The following CHD2 variants were observed in gnomAD, a reference collection of about 807,000 sequenced individuals.
CHD2 encodes the protein chromodomain helicase DNA binding protein 2.
Under a neutral mutation model 243.9 loss-of-function variants are expected in CHD2, and 28 were observed. The ratio of observed to expected loss-of-function variants is 0.11; its 90% CI spans 0.09 to 0.16. The LOEUF is 0.16. Ranked by LOEUF, CHD2 falls within the 10% of genes least tolerant of loss-of-function variation. CHD2 has a pLI of 1.00. For missense variants in CHD2, 1,386 were observed against 2,209.8 expected (o/e 0.63, Z 7.47); for synonymous variants, 775 against 779.0 (o/e 0.99, Z 0.09).
intron 6 of CHD2, among the ~76,000 whole-genome samples, chr15:92,938,934 G>GT (rs761455235): frequency 4.6e-5 from 7 of 152,090 alleles, no homozygotes; most frequent in Non-Finnish European, 8.8e-5. Context: ...AAAAACTTAT[G>GT]TATAGTTACT....
At chr15:92,968,302 G>A (rs982213949) in intron 17 of CHD2, among the ~76,000 whole-genome samples, 18 of 152,148 alleles carry the variant, frequency 1.2e-4, no homozygotes, top group South Asian at 8.3e-4. Context: ...CAGGAGGATC[G>A]CTTGAGCCCA....
chr15:92,984,651 A>G, intron 25 of CHD2, 151 bp downstream of exon 25: 1 of 666,122 alleles, frequency 1.5e-6, no homozygotes, highest in Non-Finnish European at 2.2e-6. Flanking sequence ...AACAAAGGAA[A>G]GTGGAGAAAT....
chr15:92,989,025 C>CTTTTTTTTTT (rs34298248), intron 26 of CHD2, among the ~76,000 whole-genome samples: 1 of 76,512 alleles, frequency 1.3e-5, no homozygotes, highest in African/African-American at 5.1e-5. Flanking sequence ...ATACTTCATA[C>CTTTTTTTTTT]TTTTTTTTTT....
intron 2 of CHD2, among the ~76,000 whole-genome samples, chr15:92,911,039 T>G (rs573817934): frequency 1.3e-5 from 2 of 152,340 alleles, no homozygotes; most frequent in East Asian, 3.9e-4. Flanking sequence ...AAATACAGTA[T>G]TACAGTCTTA....
Position 92,981,300 on chromosome 15 carries a change from C to G in CHD2, c.2974-65C>G, listed in dbSNP as rs77690222. 1.1e-4 allele frequency: 120 copies of G among 1,082,482 alleles called. No homozygotes were observed. In the East Asian group the frequency reaches 2.9e-3, roughly 26 times the overall value. 67.1% of individuals were successfully genotyped at this position (1,082,482 alleles called of 1,614,324 possible). On this transcript the variant is annotated intron_variant, in intron 23 of 38. Transcript: ENST00000394196. ...CATTTTTAGTAAATACGAATAATTTCTGGGCAACTAGGCAACTCATCTGTT... is the reference window on the plus strand; with the variant it reads ...CATTTTTAGTAAATACGAATAATTTGTGGGCAACTAGGCAACTCATCTGTT...
chr15:92,999,463 C>G lies in CHD2; in HGVS notation c.4008+842C>G, dbSNP rs1293402363. On this transcript the variant is annotated intron_variant, in intron 31 of 38. Transcript: ENST00000394196. ...CTGAGCTTTATCTCCTTTTGTTTCC[C>G]CAATTTATAATTTCAGTTCAGGCCC... Among the ~76,000 whole-genome samples the G allele has an allele frequency of 6.6e-5, 10 of 152,282 alleles. No individual in the cohort carries two copies. In the East Asian group the frequency reaches 1.9e-3, roughly 29 times the overall value.
Position 92,997,279 on chromosome 15 carries a change from C to T in CHD2, c.3761C>T (p.Ala1254Val). Residue 1254 changes from alanine (A) to valine (V), a missense_variant, in exon 30 of 39, where the codon GCT becomes GTT. Physicochemically the swap from Ala to Val is moderately conservative, Grantham distance 64. Around this residue, in one of 19 missense-constraint regions of CHD2, gnomAD observed 99 missense variants for 176.9 expected, o/e 0.56. Transcript: ENST00000394196. The surrounding 1 kb of genome is among the most constrained non-coding windows in gnomAD (Gnocchi z 4.1). ...KKYCLTCRVK[A>V]AHFDVEWGVE... ...TACTGCTTAACCTGTCGTGTCAAAG[C>T]TGCACATTTTGATGTAGAGTGGGGG... 1 of 1,614,048 alleles carries T rather than the reference C, an allele frequency of 6.2e-7. No homozygotes were observed. The highest frequency in any genetic ancestry group is 8.5e-7 in the Non-Finnish European group (1 of 1,180,002).
chr15:92,935,226 C>T (rs2053244513), intron 5 of CHD2, among the ~76,000 whole-genome samples: 2 of 151,988 alleles, frequency 1.3e-5, no homozygotes, highest in East Asian at 3.9e-4. Flanking sequence ...TTAGTAGATA[C>T]GGGGTTTCAC....
intron 26 of CHD2, among the ~76,000 whole-genome samples, chr15:92,988,163 A>G (rs1055896970): frequency 3.3e-5 from 5 of 151,538 alleles, no homozygotes; most frequent in African/African-American, 9.7e-5. Context: ...GCCCACTGCA[A>G]CCTCCACTTC....
Position 92,998,911 on chromosome 15 carries a change from G to A in CHD2, c.4008+290G>A, listed in dbSNP as rs889987642. Among the ~76,000 whole-genome samples, 7 of 151,536 alleles carry A rather than the reference G, an allele frequency of 4.6e-5. No individual in the cohort carries two copies. Among genetic ancestry groups the A allele is most frequent in the Non-Finnish European group, 7.4e-5 (5 of 67,874 alleles). On this transcript the variant is annotated intron_variant, in intron 31 of 38. Transcript: ENST00000394196. The surrounding 1 kb of genome is among the most constrained non-coding windows in gnomAD (Gnocchi z 5.1). Reference sequence around the variant, plus strand: ...ATCCTGGCTAATATGGTGAAACCCCGTCTCTACTAAAAATACAAAAAAATT... The same window carrying A: ...ATCCTGGCTAATATGGTGAAACCCCATCTCTACTAAAAATACAAAAAAATT...
At chr15:92,978,989 G>A (rs766490008) in intron 21 of CHD2, 146 bp from the exon 22 acceptor site, 48 of 979,754 alleles carry the variant, frequency 4.9e-5, no homozygotes, top group Non-Finnish European at 6.7e-5. Context: ...CTGCCTGCTT[G>A]GATGGCTTAC....
chr15:92,919,705 A>T (rs7175134), intron 2 of CHD2, among the ~76,000 whole-genome samples: 71,518 of 151,826 alleles, frequency 0.47, 17,754 homozygotes, highest in East Asian at 0.85. Flanking sequence ...AACACTTTTT[A>T]AAAACACTCA....
chr15:92,952,996 C>T (rs576033544), intron 13 of CHD2, among the ~76,000 whole-genome samples: 2 of 152,348 alleles, frequency 1.3e-5, no homozygotes, highest in African/African-American at 2.4e-5. Flanking sequence ...ATAGCTTTCT[C>T]TATTGATGGA....
At chr15:92,931,043 G>A (rs1262376869) in intron 5 of CHD2, among the ~76,000 whole-genome samples, 1 of 152,196 alleles carries the variant, frequency 6.6e-6, no homozygotes, top group Non-Finnish European at 1.5e-5. Context: ...AGGTCTTGTA[G>A]CTGCTGACAC....
chr15:92,901,326 T>C (rs763816371), intron 2 of CHD2, 27 bp downstream of exon 2: 4 of 1,494,500 alleles, frequency 2.7e-6, no homozygotes, highest in South Asian at 2.3e-5. Context: ...TTCTTCCTTT[T>C]TGTCTTTTTT....
chr15:92,944,867 T>C (rs2053436646), intron 10 of CHD2: 1 of 157,406 alleles, frequency 6.4e-6, no homozygotes. Flanking sequence ...GAGAATATAG[T>C]GAAGGCTGGA....
intron 21 of CHD2, among the ~76,000 whole-genome samples, chr15:92,978,619 G>A (rs2053938607): frequency 6.6e-6 from 1 of 152,164 alleles, no homozygotes; most frequent in African/African-American, 2.4e-5. Flanking sequence ...CCTTCTATGT[G>A]TTTATCTTGA....
chr15:92,904,288 A>C (rs894434269), intron 2 of CHD2: 1 of 192,358 alleles, frequency 5.2e-6, no homozygotes, highest in Non-Finnish European at 9.6e-6. Flanking sequence ...CCGAGTTCAA[A>C]GGCCGGCCGG....
chr15:92,927,137 C>A, intron 3 of CHD2, 107 bp from the exon 4 acceptor site: 1 of 799,852 alleles, frequency 1.3e-6, no homozygotes, highest in South Asian at 1.7e-5. Flanking sequence ...AGCAAAACAA[C>A]CCTTTTGATA....
Sources: gnomAD v4.1 joint callset for allele counts (sites outside exome capture counted in the v4.1 genomes callset) on GRCh38, gnomAD v4.1.1 for gene constraint, gnomAD v4.1.1 regional missense constraint, Gnocchi (gnomAD v3.1) non-coding constraint, MANE v1.5 for transcripts, NCBI Gene and HGNC (gene_info 2026-07-23, HGNC 2026-07-21) for gene names.